Variants in FAM117B observed in about 807,000 individuals in gnomAD.
FAM117B encodes the protein protein FAM117B.
Under a neutral mutation model 52.8 loss-of-function variants are expected in FAM117B, and 22 were observed. That is an observed-to-expected ratio of 0.42 (90% confidence interval 0.30 to 0.59). The LOEUF (loss-of-function observed/expected upper bound fraction) is 0.59. Ranked by LOEUF, FAM117B falls within the 20% of genes least tolerant of loss-of-function variation. FAM117B has a pLI of 0.22. For synonymous variants in FAM117B, 309 were observed against 324.1 expected, an observed-to-expected ratio of 0.95 and a Z score of 0.50; for missense variants, 678 against 802.6, an observed-to-expected ratio of 0.84 and a Z score of 1.88.
chr2:202,746,009 C>G (rs769120935), intron 4 of FAM117B, among the ~76,000 whole-genome samples: 2 of 152,136 alleles, frequency 1.3e-5, no homozygotes, highest in African/African-American at 4.8e-5. Flanking sequence ...TTGGAGACTT[C>G]AAGACCTCAC....
chr2:202,717,329 C>A (rs1196076718), intron 2 of FAM117B, among the ~76,000 whole-genome samples: 1 of 151,988 alleles, frequency 6.6e-6, no homozygotes, highest in African/African-American at 2.4e-5. Context: ...CAAAACAAGC[C>A]AGGTGTGGTG....
intron 1 of FAM117B, among the ~76,000 whole-genome samples, chr2:202,683,992 G>A (rs993402118): frequency 9.9e-5 from 15 of 151,640 alleles, no homozygotes; most frequent in Admixed American, 2.6e-4. Context: ...TCAGCCTCCC[G>A]AGCAGCTGGG....
At chr2:202,746,095 T>C (rs1294014201) in intron 4 of FAM117B, among the ~76,000 whole-genome samples, 1 of 152,150 alleles carries the variant, frequency 6.6e-6, no homozygotes, top group Non-Finnish European at 1.5e-5. Flanking sequence ...GTAGGTCAAA[T>C]TGAACTAATA....
At chr2:202,690,034 A>G (rs1690597942) in intron 1 of FAM117B, among the ~76,000 whole-genome samples, 1 of 152,214 alleles carries the variant, frequency 6.6e-6, no homozygotes, top group African/African-American at 2.4e-5. Context: ...TGGAATACCT[A>G]AGGGTCATGG....
At chr2:202,722,537 T>C (rs1274961919) in intron 2 of FAM117B, among the ~76,000 whole-genome samples, 1 of 152,174 alleles carries the variant, frequency 6.6e-6, no homozygotes, top group African/African-American at 2.4e-5. Flanking sequence ...TGGATGGAGC[T>C]AGAGGCCATT....
chr2:202,749,690 G>A (rs1337654469), intron 4 of FAM117B, among the ~76,000 whole-genome samples: 2 of 152,106 alleles, frequency 1.3e-5, no homozygotes, highest in Non-Finnish European at 2.9e-5. Flanking sequence ...TACTTTGGGA[G>A]GTCAAGGCTG....
chr2:202,720,959 CACAA>C (rs1691143377), intron 2 of FAM117B, among the ~76,000 whole-genome samples: 3 of 152,204 alleles, frequency 2.0e-5, no homozygotes, highest in Non-Finnish European at 4.4e-5. Flanking sequence ...CAACCACATA[CACAA>C]ACACAAATGA....
At chr2:202,649,689 T>C (rs887306349) in intron 1 of FAM117B, among the ~76,000 whole-genome samples, 2 of 151,796 alleles carry the variant, frequency 1.3e-5, no homozygotes, top group East Asian at 3.9e-4. Context: ...GTAGCTGGGA[T>C]CACAGGCACG....
chr2:202,636,228 G>C (rs1331558054), intron 1 of FAM117B, among the ~76,000 whole-genome samples: 1 of 152,228 alleles, frequency 6.6e-6, no homozygotes, highest in African/African-American at 2.4e-5. Context: ...AAGTATTTCT[G>C]TTCACAAAAC....
intron 1 of FAM117B, among the ~76,000 whole-genome samples, chr2:202,689,112 G>A (rs1306235241): frequency 6.6e-6 from 1 of 152,082 alleles, no homozygotes; most frequent in African/African-American, 2.4e-5. Flanking sequence ...TATGTCCAAG[G>A]GTAGACAGAT....
chr2:202,659,420 C>T (rs912091512), intron 1 of FAM117B, among the ~76,000 whole-genome samples: 1 of 151,920 alleles, frequency 6.6e-6, no homozygotes, highest in African/African-American at 2.4e-5. Context: ...GGCGATCCTC[C>T]TACCTCATTC....
chr2:202,754,923 A>G (rs1264662749), intron 4 of FAM117B, among the ~76,000 whole-genome samples: 1 of 150,728 alleles, frequency 6.6e-6, no homozygotes, highest in Non-Finnish European at 1.5e-5. Flanking sequence ...TTAATTGACT[A>G]ACAGTTCTGC....
intron 2 of FAM117B, among the ~76,000 whole-genome samples, chr2:202,711,389 T>G (rs1488066038): frequency 2.0e-5 from 3 of 152,190 alleles, no homozygotes; most frequent in Non-Finnish European, 4.4e-5. Context: ...TTTGCCCATT[T>G]TAAATTGGAT....
intron 4 of FAM117B, among the ~76,000 whole-genome samples, chr2:202,731,399 A>C (rs1216635757): frequency 7.3e-6 from 1 of 136,096 alleles, no homozygotes; most frequent in Non-Finnish European, 1.6e-5. Flanking sequence ...TCTCAATTAA[A>C]AAATATATAA....
At chr2:202,734,575 C>T (rs948071009) in intron 4 of FAM117B, among the ~76,000 whole-genome samples, 1 of 152,206 alleles carries the variant, frequency 6.6e-6, no homozygotes, top group Non-Finnish European at 1.5e-5. Context: ...TAACAGTGCA[C>T]TCTGAGGTCA....
At chr2:202,722,475 G>A (rs1268162690) in intron 2 of FAM117B, among the ~76,000 whole-genome samples, 2 of 152,118 alleles carry the variant, frequency 1.3e-5, no homozygotes, top group African/African-American at 4.8e-5. Context: ...TATACACCAT[G>A]GACTACTGTG....
Position 202,722,660 on chromosome 2 carries a change from G to A in FAM117B, c.754-2257G>A, listed in dbSNP as rs1448640451. Among the ~76,000 whole-genome samples, 4 of 152,160 alleles carry A rather than the reference G, an allele frequency of 2.6e-5. No homozygotes were observed. In the East Asian group the frequency reaches 7.8e-4, roughly 30 times the overall value. On this transcript the variant is annotated intron_variant, in intron 2 of 7. Coordinates refer to ENST00000392238, the MANE Select transcript of FAM117B (RefSeq NM_173511.4). ...CACATAGAGGGGAAGAGCAGATTCTGGGGCCTTCTAGAGGGTGGAGGGTGG... is the reference window on the plus strand; with the variant it reads ...CACATAGAGGGGAAGAGCAGATTCTAGGGCCTTCTAGAGGGTGGAGGGTGG...
chr2:202,657,348 A>G (rs1690069720), intron 1 of FAM117B, among the ~76,000 whole-genome samples: 1 of 152,138 alleles, frequency 6.6e-6, no homozygotes, highest in Non-Finnish European at 1.5e-5. Flanking sequence ...TTGGCCTCCC[A>G]AAGTGCTGGG....
chr2:202,635,697 C>G lies in FAM117B; in HGVS notation c.510C>G (p.Pro170=). 7.0e-7 allele frequency: 1 copy of G among 1,430,122 alleles called. No individual in the cohort carries two copies. The highest frequency in any genetic ancestry group is 1.4e-5 in the South Asian group (1 of 72,638). 88.6% of individuals were successfully genotyped at this position (1,430,122 alleles called of 1,614,324 possible). A position where few individuals can be genotyped will look rare whatever the true frequency, so the allele number is the denominator to read the frequency against. ...CCGGCGAGGTGAGCGCGGCCCCACC[C>G]CCAGCCCGCGTCCGGCATCGGAGGA... is the stretch of plus-strand genomic sequence containing the variant. ...LWTGEVSAAP[P]PARVRHRRRS... is the part of the protein sequence containing the mutation. Residue 170 remains proline (P), a synonymous_variant, in exon 1 of 8, where the codon CCC becomes CCG. Coordinates refer to ENST00000392238, the MANE Select transcript of FAM117B (RefSeq NM_173511.4).
Sources: allele counts gnomAD v4.1 joint callset (sites outside exome capture counted in the v4.1 genomes callset), GRCh38; gene constraint gnomAD v4.1.1; transcripts MANE v1.5; gene names NCBI Gene and HGNC (gene_info 2026-07-23, HGNC 2026-07-21).